Variants in CSGALNACT1 observed in about 807,000 individuals in gnomAD.
The protein encoded by CSGALNACT1 is beta4GalNAcT-1.
A neutral mutation model predicts 51.0 loss-of-function variants in CSGALNACT1; 52 were observed. The observed-to-expected ratio is 1.02, with a 90% CI of 0.82 to 1.29. The LOEUF is 1.29. CSGALNACT1 is among the 50% of genes most tolerant of loss of function. The probability of loss-of-function intolerance (pLI) is 0.00; values close to 1 mark genes in which losing one functional copy is unlikely to be tolerated. For missense variants in CSGALNACT1, 935 were observed against 679.2 expected (o/e 1.38, Z -4.19); for synonymous variants, 341 against 254.4 (o/e 1.34, Z -3.24).
intron 5 of CSGALNACT1, among the ~76,000 whole-genome samples, chr8:19,457,354 T>A (rs2064322250): frequency 6.6e-6 from 1 of 152,224 alleles, no homozygotes; most frequent in South Asian, 2.1e-4. Flanking sequence ...GGCTCACGCC[T>A]GTAATCCCAG....
chr8:19,633,595 G>C (rs1362790663), intron 1 of CSGALNACT1, among the ~76,000 whole-genome samples: 2 of 152,184 alleles, frequency 1.3e-5, no homozygotes, highest in Non-Finnish European at 2.9e-5. Context: ...TGCAAAGCAA[G>C]GAATCCCACC....
chr8:19,409,701 T>C (rs2153668817), intron 8 of CSGALNACT1, among the ~76,000 whole-genome samples: 2 of 152,284 alleles, frequency 1.3e-5, no homozygotes, highest in African/African-American at 4.8e-5. Flanking sequence ...AGCAGGTTCC[T>C]CTTTCCCCAC....
chr8:19,725,425 C>CTTT (rs749829348), intron 1 of CSGALNACT1, among the ~76,000 whole-genome samples: 1 of 136,148 alleles, frequency 7.3e-6, no homozygotes, highest in African/African-American at 2.7e-5. Flanking sequence ...TTTCTTTTTT[C>CTTT]TTTTTTTTTT....
At chr8:19,530,588 G>A (rs775783718) in intron 3 of CSGALNACT1, among the ~76,000 whole-genome samples, 4 of 151,928 alleles carry the variant, frequency 2.6e-5, no homozygotes, top group Non-Finnish European at 5.9e-5. Flanking sequence ...ATTGTTCACC[G>A]GGCACAGTGG....
At chr8:19,548,439 G>A (rs1273835341) in intron 3 of CSGALNACT1, among the ~76,000 whole-genome samples, 2 of 152,032 alleles carry the variant, frequency 1.3e-5, no homozygotes, top group African/African-American at 2.4e-5. Context: ...AAAACTCACT[G>A]CTGTTTTTCT....
intron 1 of CSGALNACT1, among the ~76,000 whole-genome samples, chr8:19,680,386 C>A (rs2060506154): frequency 6.6e-6 from 1 of 152,018 alleles, no homozygotes; most frequent in African/African-American, 2.4e-5. Flanking sequence ...CAAAACCCTG[C>A]CTGTACTAAA....
At chr8:19,683,037 G>A (rs1005172226), upstream of CSGALNACT1, 6 of 253,636 alleles carry the variant, frequency 2.4e-5, no homozygotes, top group East Asian at 2.7e-4. Context: ...CCTGGAGACC[G>A]TGATTTGCCA....
chr8:19,564,818 G>C (rs1256718570), intron 3 of CSGALNACT1, among the ~76,000 whole-genome samples: 4 of 152,194 alleles, frequency 2.6e-5, no homozygotes, highest in East Asian at 1.9e-4. Flanking sequence ...TGCCCCATGA[G>C]AATGTAAGCC....
chr8:19,513,415 A>ACTCTCTCT lies in CSGALNACT1; in HGVS notation c.-296-7293_-296-7286dup, dbSNP rs1409555325. Among the ~76,000 whole-genome samples, 70 of 111,500 alleles carry ACTCTCTCT rather than the reference A, an allele frequency of 6.3e-4. 2 individuals are homozygous for ACTCTCTCT. Among genetic ancestry groups the ACTCTCTCT allele is most frequent in the African/African-American group, 1.5e-3 (44 of 28,782 alleles). The allele number at this position is 111,500 out of a possible 152,430, so 73.1% of individuals were successfully genotyped here. On this transcript the variant is annotated intron_variant, in intron 3 of 9. Transcript: ENST00000454498. ...CTGTTCATAGAATTTTCTCTCTCTC[A>ACTCTCTCT]CTCTCTCTCTCTCTCTCTCTCTATA...
At chr8:19,452,858 C>A (rs893990841) in intron 5 of CSGALNACT1, among the ~76,000 whole-genome samples, 20 of 152,202 alleles carry the variant, frequency 1.3e-4, no homozygotes, top group African/African-American at 4.6e-4. Context: ...AAGGGAACTT[C>A]AACAAAGGCT....
intron 1 of CSGALNACT1, among the ~76,000 whole-genome samples, chr8:19,736,499 T>A (rs7814601): frequency 0.17 from 25,246 of 149,730 alleles, 2,223 homozygotes; most frequent in Middle Eastern, 0.31. Context: ...ACTGAGAAAG[T>A]CATTAGGTCC....
chr8:19,600,521 A>T (rs887789195), intron 2 of CSGALNACT1, among the ~76,000 whole-genome samples: 1 of 152,226 alleles, frequency 6.6e-6, no homozygotes, highest in South Asian at 2.1e-4. Context: ...TAAACATCAC[A>T]AGGCCCAAGA....
At chr8:19,577,661 C>T (rs182447563) in intron 3 of CSGALNACT1, among the ~76,000 whole-genome samples, 23 of 151,456 alleles carry the variant, frequency 1.5e-4, no homozygotes, top group Admixed American at 1.4e-3. Context: ...TGCCAGACAA[C>T]GAAAATATAA....
chr8:19,634,743 T>C (rs2055787191), intron 1 of CSGALNACT1, among the ~76,000 whole-genome samples: 2 of 152,182 alleles, frequency 1.3e-5, no homozygotes, highest in African/African-American at 4.8e-5. Flanking sequence ...GGCAGTCATC[T>C]ACAAGCCAAT....
intron 3 of CSGALNACT1, among the ~76,000 whole-genome samples, chr8:19,562,956 T>A (rs1049305833): frequency 6.6e-6 from 1 of 152,234 alleles, no homozygotes; most frequent in Admixed American, 6.5e-5. Flanking sequence ...TAAATCATTC[T>A]ATTATAAAGA....
At chr8:19,621,981 C>T (rs1016157012) in intron 1 of CSGALNACT1, among the ~76,000 whole-genome samples, 4 of 152,170 alleles carry the variant, frequency 2.6e-5, no homozygotes, top group Non-Finnish European at 4.4e-5. Context: ...CTTAAGCCTA[C>T]ACAACAAACA....
chr8:19,434,455 T>C (rs1014901857), intron 6 of CSGALNACT1, among the ~76,000 whole-genome samples: 1 of 152,182 alleles, frequency 6.6e-6, no homozygotes, highest in Non-Finnish European at 1.5e-5. Flanking sequence ...TCAGACATCA[T>C]GACAACTTCA....
chr8:19,602,200 C>T (rs767138843), exon 1 of CSGALNACT1: 55 of 202,284 alleles, frequency 2.7e-4, no homozygotes, highest in Non-Finnish European at 3.4e-4. Context: ...CGAGCCGCTT[C>T]CTAACTCGCA....
intron 1 of CSGALNACT1, among the ~76,000 whole-genome samples, chr8:19,730,051 C>T (rs906747025): frequency 3.9e-5 from 6 of 152,194 alleles, no homozygotes; most frequent in African/African-American, 1.4e-4. Context: ...GCCCACCAGA[C>T]TAGAGACCTT....
Sources: allele counts gnomAD v4.1 joint callset (sites outside exome capture counted in the v4.1 genomes callset), GRCh38; gene constraint gnomAD v4.1.1; transcripts MANE v1.5; gene names NCBI Gene and HGNC (gene_info 2026-07-23, HGNC 2026-07-21).